The following PRDM15 variants were observed in gnomAD, a reference collection of about 807,000 sequenced individuals.
PRDM15 encodes the protein PR/SET domain 15, also known as PR domain zinc finger protein 15.
Under a neutral mutation model 128.6 loss-of-function variants are expected in PRDM15, and 64 were observed. The ratio of observed to expected loss-of-function variants is 0.50; its 90% confidence interval spans 0.41 to 0.61. The LOEUF (loss-of-function observed/expected upper bound fraction) is 0.61, where lower values mean the gene tolerates loss of function less well. Ranked by LOEUF, PRDM15 falls within the 20% of genes least tolerant of loss-of-function variation. PRDM15 has a pLI of 0.00. For synonymous variants in PRDM15, 615 were observed against 621.8 expected (o/e 0.99, Z 0.16); for missense variants, 1,242 against 1,569.1 (o/e 0.79, Z 3.52).
chr21:41,848,328 A>C (rs536378802), intron 5 of PRDM15, among the ~76,000 whole-genome samples: 3 of 152,374 alleles, frequency 2.0e-5, no homozygotes, highest in Non-Finnish European at 4.4e-5. Context: ...CTGAGTTTTC[A>C]TAAGATAACA....
At chr21:41,803,110 A>G in intron 22 of PRDM15, 189 bp from the exon 23 acceptor site, 1 of 603,260 alleles carries the variant, frequency 1.7e-6, no homozygotes, top group Non-Finnish European at 3.0e-6. Context: ...AAGTTCCTTT[A>G]GTTGCAGATT....
intron 1 of PRDM15, among the ~76,000 whole-genome samples, chr21:41,863,502 C>T (rs2063895004): frequency 6.6e-6 from 1 of 152,126 alleles, no homozygotes; most frequent in African/African-American, 2.4e-5. Flanking sequence ...CCTGCCATCA[C>T]AGTAAGACCA....
rs2236693 is a variant in PRDM15, at chr21:41,800,831, G to A, written c.*409C>T. 57,074 of 165,690 alleles carry A rather than the reference G, an allele frequency of 0.34. 10,436 individuals are homozygous for A. The highest frequency in any genetic ancestry group is 0.47 in the African/African-American group (19,851 of 42,048). The allele number at this position is 165,690 out of a possible 1,614,324, so 10.3% of individuals were successfully genotyped here. On this transcript the variant is annotated 3_prime_UTR_variant, in exon 24 of 24. Transcript: ENST00000398548. Reference sequence around the variant, plus strand: ...TACTGTCTGTGTTCTCATAGGAACCGAGCTCTAAAAGAAAAAAGAAAATGA... The same window carrying A: ...TACTGTCTGTGTTCTCATAGGAACCAAGCTCTAAAAGAAAAAAGAAAATGA...
intron 21 of PRDM15, among the ~76,000 whole-genome samples, chr21:41,806,138 T>C (rs796101992): frequency 0.026 from 51 of 1,956 alleles, no homozygotes; most frequent in Non-Finnish European, 0.032. Flanking sequence ...ACCACCACCA[T>C]CACCACCACC....
chr21:41,839,583 C>T (rs368963125), intron 7 of PRDM15, 40 bp downstream of exon 7: 52 of 1,573,390 alleles, frequency 3.3e-5, no homozygotes, highest in African/African-American at 2.2e-4. Context: ...AGGAGGGCTG[C>T]GCCCCACGCA....
rs573723961 is a variant in PRDM15 at position 41,801,470 on chromosome 21, G to T, written c.3196C>A (p.Gln1066Lys). 1 of 1,614,200 alleles carries T rather than the reference G, an allele frequency of 6.2e-7. No individual in the cohort carries two copies. The highest frequency in any genetic ancestry group is 2.2e-5 in the East Asian group (1 of 44,876). The change falls in exon 24 of 24, where the codon CAG becomes AAG. Residue 1066 changes from glutamine to lysine, a missense_variant. By Grantham distance (53) the Gln-to-Lys change is moderately conservative (BLOSUM62 1). Around this residue, in one of 3 missense-constraint regions of PRDM15, gnomAD observed 602 missense variants for 788.3 expected, o/e 0.76. Coordinates refer to ENST00000398548, the MANE Select transcript of PRDM15 (RefSeq NM_001040424.3). The stretch of plus-strand genomic sequence containing the variant: ...GACTGTGGGTTCGAGGCTTCCGGCT[G>T]GGGGTGGATCTGGACGTCATTTTGG... ...NRQNDVQIHP[Q>K]PEASNPQSVA... is the part of the protein sequence containing the mutation.
chr21:41,841,354 A>G (rs2063068559), intron 6 of PRDM15, among the ~76,000 whole-genome samples: 1 of 152,228 alleles, frequency 6.6e-6, no homozygotes. Flanking sequence ...AAGTAGCATA[A>G]CAACATCCCC....
At chr21:41,845,799 A>T (rs1309757065) in intron 6 of PRDM15, among the ~76,000 whole-genome samples, 3 of 152,078 alleles carry the variant, frequency 2.0e-5, no homozygotes, top group Non-Finnish European at 4.4e-5. Context: ...TTCACTCAAA[A>T]CTAGTTATTA....
chr21:41,849,172 G>A, intron 5 of PRDM15, among the ~76,000 whole-genome samples: 1 of 152,250 alleles, frequency 6.6e-6, no homozygotes, highest in East Asian at 1.9e-4. Flanking sequence ...TGGCATTCCA[G>A]TGGGCGCGGC....
At chr21:41,806,533 ATCACTACCACCAAC>A (rs2061658402) in intron 21 of PRDM15, among the ~76,000 whole-genome samples, 2 of 54,398 alleles carry the variant, frequency 3.7e-5, no homozygotes, top group African/African-American at 1.0e-4. Flanking sequence ...CACCACCACC[ATCACTACCACCAAC>A]ATCACCACCA....
chr21:41,820,236 A>T (rs2062206871), intron 16 of PRDM15, 62 bp from the exon 17 acceptor site: 1 of 1,329,828 alleles, frequency 7.5e-7, no homozygotes. Context: ...CAGCGAGGGC[A>T]CTTTCCCCAG....
Position 41,835,963 on chromosome 21 carries a change from GCCCCC to G in PRDM15, c.1278+145_1278+149del, listed in dbSNP as rs2062869279. The G allele has an allele frequency of 1.0e-3, 124 of 119,088 alleles. 16 individuals are homozygous for G. Among genetic ancestry groups the G allele is most frequent in the South Asian group, 5.0e-3 (61 of 12,142 alleles). The allele number at this position is 119,088 out of a possible 1,614,324, so 7.4% of individuals were successfully genotyped here. A position where few individuals can be genotyped will look rare whatever the true frequency, so the allele number is the denominator to read the frequency against. On this transcript the variant is annotated intron_variant, in intron 10 of 23. Transcript: ENST00000398548. ...TGGCCGCTCTCCTCCCTCCCCCACA[GCCCCC>G]GCCCACTCTCCTCCCTCCCCCACAG...
At position 41,828,385 on chromosome 21, in the gene PRDM15, A is replaced by C; in HGVS notation, c.1367-52T>G. The C allele has an allele frequency of 2.1e-5, 34 of 1,590,096 alleles. No individual in the cohort carries two copies. Among genetic ancestry groups the C allele is most frequent in the Non-Finnish European group, 2.7e-5 (31 of 1,161,138 alleles). On this transcript the variant is annotated intron_variant, in intron 11 of 23. Transcript: ENST00000398548. This position sits in a 1 kb window ranked among gnomAD's most constrained non-coding sequence, Gnocchi z 5.7. The stretch of plus-strand genomic sequence containing the variant: ...ACGATTTTGAGGTAAATAACATCTC[A>C]CGCAGGCACGCACGTGTGGCCTGAA...
At chr21:41,874,318 G>A (rs1305241917) in intron 1 of PRDM15, among the ~76,000 whole-genome samples, 1 of 151,810 alleles carries the variant, frequency 6.6e-6, no homozygotes, top group Non-Finnish European at 1.5e-5. Flanking sequence ...CAGGTCAGAT[G>A]TGCTGGGGGA....
chr21:41,867,348 T>C (rs777964129), intron 1 of PRDM15: 2 of 1,613,506 alleles, frequency 1.2e-6, no homozygotes, highest in Admixed American at 1.7e-5. Flanking sequence ...TTTTCCTGGT[T>C]CCCCCAGGAA....
intron 5 of PRDM15, among the ~76,000 whole-genome samples, chr21:41,851,036 G>A (rs570102795): frequency 3.3e-5 from 5 of 152,250 alleles, no homozygotes; most frequent in South Asian, 2.1e-4. Flanking sequence ...TGGGTTCGTC[G>A]GCTGCCAATA....
intron 5 of PRDM15, among the ~76,000 whole-genome samples, chr21:41,851,276 G>C (rs2063420405): frequency 6.6e-6 from 1 of 152,214 alleles, no homozygotes; most frequent in South Asian, 2.1e-4. Context: ...GTGAGAACTG[G>C]GCAAGCGGCC....
intron 6 of PRDM15, among the ~76,000 whole-genome samples, chr21:41,841,095 G>C (rs1055591110): frequency 6.6e-6 from 1 of 152,012 alleles, no homozygotes; most frequent in Non-Finnish European, 1.5e-5. Flanking sequence ...TAGGGAAGGA[G>C]GGCTAAACAA....
intron 2 of PRDM15, 68 bp downstream of exon 2, chr21:41,860,258 GC>G (rs1477340216): frequency 8.0e-7 from 1 of 1,244,018 alleles, no homozygotes; most frequent in Non-Finnish European, 1.2e-6. Flanking sequence ...GACAGCAAGC[GC>G]CACGCCCATC....
Sources: gnomAD v4.1 joint callset for allele counts (sites outside exome capture counted in the v4.1 genomes callset) on GRCh38, gnomAD v4.1.1 for gene constraint, gnomAD v4.1.1 regional missense constraint, Gnocchi (gnomAD v3.1) non-coding constraint, MANE v1.5 for transcripts, NCBI Gene and HGNC (gene_info 2026-07-23, HGNC 2026-07-21) for gene names.